The following ERGIC1 variants were observed in gnomAD, a reference collection of about 807,000 sequenced individuals.
ERGIC1 encodes the protein endoplasmic reticulum-Golgi intermediate compartment protein 1.
Under a neutral mutation model 38.3 loss-of-function variants are expected in ERGIC1, and 19 were observed. That is an observed-to-expected ratio of 0.50 (90% CI 0.35 to 0.73). ERGIC1 has a LOEUF of 0.73. Among genes scored for constraint, ERGIC1 ranks in the 30% least tolerant of loss-of-function variants. The probability of loss-of-function intolerance (pLI) is 0.01; values close to 1 mark genes in which losing one functional copy is unlikely to be tolerated. For missense variants in ERGIC1, 294 were observed against 389.2 expected (o/e 0.76, Z 2.06); for synonymous variants, 124 against 157.6 (o/e 0.79, Z 1.60).
chr5:172,865,228 G>A (rs530192588), intron 1 of ERGIC1, among the ~76,000 whole-genome samples: 1 of 152,104 alleles, frequency 6.6e-6, no homozygotes, highest in East Asian at 1.9e-4. Flanking sequence ...CTAATATTTT[G>A]TATTTTTAGT....
At position 172,837,610 on chromosome 5, in the gene ERGIC1, T is replaced by C. The variant is rs1761067753; in HGVS notation, c.20+3177T>C. Among the ~76,000 whole-genome samples, 1 of 152,210 alleles carries C rather than the reference T, an allele frequency of 6.6e-6. No homozygotes were observed. On this transcript the variant is annotated intron_variant, in intron 1 of 9. Transcript: ENST00000393784. This position sits in a 1 kb window ranked among gnomAD's most constrained non-coding sequence, Gnocchi z 4.3. ...GCCATAGACATGACGTGACTTGATA[T>C]GCCAGCTTCAGTGGGCAGATTTTCA... is the stretch of plus-strand genomic sequence containing the variant.
chr5:172,877,489 T>A (rs1168099114), intron 1 of ERGIC1, among the ~76,000 whole-genome samples: 1 of 145,024 alleles, frequency 6.9e-6, no homozygotes. Flanking sequence ...GATGGAGTTT[T>A]GCTCTTGTTG....
chr5:172,897,911 G>T, intron 3 of ERGIC1: 1 of 413,722 alleles, frequency 2.4e-6, no homozygotes, highest in Non-Finnish European at 4.4e-6. Flanking sequence ...CTGATTCCTA[G>T]AATTATCTGT....
At chr5:172,860,118 T>G (rs1761659087) in intron 1 of ERGIC1, among the ~76,000 whole-genome samples, 1 of 148,846 alleles carries the variant, frequency 6.7e-6, no homozygotes, top group African/African-American at 2.5e-5. Context: ...CAGCATTGAT[T>G]CAGTGCCAGG....
intron 1 of ERGIC1, among the ~76,000 whole-genome samples, chr5:172,839,731 G>GT (rs1761115220): frequency 6.6e-6 from 1 of 152,204 alleles, no homozygotes; most frequent in African/African-American, 2.4e-5. Context: ...AGGCACTGTT[G>GT]TAAGGATCTT....
intron 1 of ERGIC1, among the ~76,000 whole-genome samples, chr5:172,847,791 G>A (rs555229511): frequency 1.3e-5 from 2 of 152,336 alleles, no homozygotes; most frequent in South Asian, 4.1e-4. Context: ...GGGATTACAG[G>A]CATGTGCCAC....
chr5:172,874,887 TG>T (rs1454555080), intron 1 of ERGIC1, among the ~76,000 whole-genome samples: 2 of 145,228 alleles, frequency 1.4e-5, no homozygotes, highest in Non-Finnish European at 3.0e-5. Context: ...ATCGCGCCAC[TG>T]CACTCCAGCC....
chr5:172,924,477 A>G (rs1457441651), intron 6 of ERGIC1, among the ~76,000 whole-genome samples: 1 of 152,164 alleles, frequency 6.6e-6, no homozygotes, highest in East Asian at 1.9e-4. Context: ...CTTGCCTGAA[A>G]TGGGAGCCGG....
intron 9 of ERGIC1, among the ~76,000 whole-genome samples, chr5:172,938,967 G>A (rs1481755094): frequency 6.6e-6 from 1 of 151,982 alleles, no homozygotes; most frequent in East Asian, 1.9e-4. Flanking sequence ...GGAGGGTGAG[G>A]CAGGAGAATT....
chr5:172,921,026 G>A (rs1415736812), intron 5 of ERGIC1, among the ~76,000 whole-genome samples: 1 of 152,186 alleles, frequency 6.6e-6, no homozygotes, highest in East Asian at 1.9e-4. Flanking sequence ...TCCCTCTTCC[G>A]GGAGGGCCCT....
At chr5:172,842,286 G>C (rs900421969) in intron 1 of ERGIC1, among the ~76,000 whole-genome samples, 2 of 152,224 alleles carry the variant, frequency 1.3e-5, no homozygotes, top group Admixed American at 6.5e-5. Context: ...GAATCATGCA[G>C]TCTTCATTCT....
chr5:172,933,507 T>C (rs1415475582), intron 8 of ERGIC1: 1 of 152,224 alleles, frequency 6.6e-6, no homozygotes, highest in Non-Finnish European at 1.5e-5. Context: ...AGGTTTTCCT[T>C]GGGCTCCAGA....
intron 1 of ERGIC1, among the ~76,000 whole-genome samples, chr5:172,849,193 C>A (rs1002432830): frequency 6.6e-6 from 1 of 152,192 alleles, no homozygotes; most frequent in Non-Finnish European, 1.5e-5. Context: ...TTCCGACCCC[C>A]AGAAAGTAAT....
chr5:172,893,671 T>C (rs10041408), intron 2 of ERGIC1, among the ~76,000 whole-genome samples: 28,972 of 151,036 alleles, frequency 0.19, 2,901 homozygotes, highest in East Asian at 0.28. Flanking sequence ...GAAATTTGGA[T>C]TGATAGCTGA....
chr5:172,874,233 C>A (rs1036967017), intron 1 of ERGIC1, among the ~76,000 whole-genome samples: 3 of 152,188 alleles, frequency 2.0e-5, no homozygotes, highest in Admixed American at 2.0e-4. Flanking sequence ...CACACGCCAC[C>A]ACGCCTGGCT....
At position 172,865,495 on chromosome 5, in the gene ERGIC1, A is replaced by T. The variant is rs559844198; in HGVS notation, c.21-23204A>T. 7.6e-4 allele frequency among the ~76,000 whole-genome samples: 116 copies of T among 152,300 alleles called. 2 individuals are homozygous for T. The South Asian group carries it at 0.023, about 30-fold the overall frequency. ...TAAATTGAGGTATTGCAGATTGTAAAGTGTTCTTATCTTAAGTATACAGCT... is the reference window on the plus strand; with the variant it reads ...TAAATTGAGGTATTGCAGATTGTAATGTGTTCTTATCTTAAGTATACAGCT... On this transcript the variant is annotated intron_variant, in intron 1 of 9. Transcript: ENST00000393784.
At position 172,842,775 on chromosome 5, in the gene ERGIC1, T is replaced by C. The variant is rs563374772; in HGVS notation, c.20+8342T>C. On this transcript the variant is annotated intron_variant, in intron 1 of 9. Transcript: ENST00000393784. Reference sequence around the variant, plus strand: ...CCCTGATGAATAGAGATTTTGAGCATCTTTTCAAGATCTTGGCCATTTGTA... The same window carrying C: ...CCCTGATGAATAGAGATTTTGAGCACCTTTTCAAGATCTTGGCCATTTGTA... 2.0e-5 allele frequency among the ~76,000 whole-genome samples: 3 copies of C among 152,358 alleles called. No individual in the cohort carries two copies. In the East Asian group the frequency reaches 5.8e-4, roughly 29 times the overall value.
At position 172,851,366 on chromosome 5, in the gene ERGIC1, G is replaced by A. The variant is rs536127896; in HGVS notation, c.20+16933G>A. On this transcript the variant is annotated intron_variant, in intron 1 of 9. Coordinates refer to ENST00000393784, the MANE Select transcript of ERGIC1 (RefSeq NM_001031711.3). ...TCTACTAAAAATACAAAAATTAGCC[G>A]GGCATGGTGGCATGCACCAGTAGTC... Among the ~76,000 whole-genome samples, 11 of 151,976 alleles carry A rather than the reference G, an allele frequency of 7.2e-5. No individual in the cohort carries two copies. In the South Asian group the frequency reaches 1.9e-3, roughly 26 times the overall value.
chr5:172,875,908 T>C (rs1301725235), intron 1 of ERGIC1, among the ~76,000 whole-genome samples: 3 of 152,212 alleles, frequency 2.0e-5, no homozygotes, highest in Non-Finnish European at 4.4e-5. Flanking sequence ...ATTTATTCTG[T>C]AGAATGCCCG....
Sources: gnomAD v4.1 joint callset for allele counts (sites outside exome capture counted in the v4.1 genomes callset) on GRCh38, gnomAD v4.1.1 for gene constraint, Gnocchi (gnomAD v3.1) non-coding constraint, MANE v1.5 for transcripts, NCBI Gene and HGNC (gene_info 2026-07-23, HGNC 2026-07-21) for gene names.